SMG6: variants seen among roughly 807,000 people sequenced by gnomAD.
The protein encoded by SMG6 is SMG6 nonsense mediated mRNA decay factor.
SMG6 carries 66 observed loss-of-function variants against 142.2 expected under a neutral mutation model. That is an observed-to-expected ratio of 0.46 (90% CI 0.38 to 0.57). The LOEUF (loss-of-function observed/expected upper bound fraction) is 0.57, where lower values mean the gene tolerates loss of function less well. SMG6 is among the 20% of genes least tolerant of loss of function. The pLI is 0.00. For synonymous variants in SMG6, 779 were observed against 702.4 expected, an observed-to-expected ratio of 1.11 and a Z score of -1.72; for missense variants, 1,793 against 1,832.0, an observed-to-expected ratio of 0.98 and a Z score of 0.39.
At chr17:2,104,112 C>T (rs994892421) in intron 13 of SMG6, among the ~76,000 whole-genome samples, 4 of 152,044 alleles carry the variant, frequency 2.6e-5, no homozygotes, top group South Asian at 2.1e-4. Flanking sequence ...CCACCTCGCC[C>T]GGCTAATTTT....
At chr17:2,165,293 A>C (rs560239033) in intron 13 of SMG6, among the ~76,000 whole-genome samples, 184 of 152,348 alleles carry the variant, frequency 1.2e-3, no homozygotes, top group Non-Finnish European at 1.9e-3. Context: ...GAAAAAAAAA[A>C]AACTGAAAAC....
intron 10 of SMG6, among the ~76,000 whole-genome samples, chr17:2,212,956 A>C (rs2072908620): frequency 1.3e-5 from 2 of 152,252 alleles, no homozygotes; most frequent in Non-Finnish European, 2.9e-5. Context: ...ACAAAGAATT[A>C]ACAGTTTGTA....
chr17:2,265,094 A>C (rs2074391793), intron 8 of SMG6, among the ~76,000 whole-genome samples: 2 of 152,126 alleles, frequency 1.3e-5, no homozygotes, highest in African/African-American at 4.8e-5. Context: ...GTCAAGCTTC[A>C]AAAGTAGTGG....
At chr17:2,099,086 T>C (rs2068937523) in intron 13 of SMG6, among the ~76,000 whole-genome samples, 1 of 152,200 alleles carries the variant, frequency 6.6e-6, no homozygotes, top group South Asian at 2.1e-4. Flanking sequence ...ATCTGCAGTA[T>C]TTAACATGCA....
Position 2,186,673 on chromosome 17 carries a change from G to T in SMG6, c.3145C>A (p.Leu1049Met), listed in dbSNP as rs1386330644. ...TWNPPPTSLD[L>M]PSHVAVDVWS... ...GGCAGGTCAACTCACTGCGAGGGCA[G>T]ATCCAGGGATGTGGGAGGAGGATTC... The change falls in exon 12 of 19, where the codon CTG becomes ATG. Residue 1049 changes from leucine (L) to methionine (M), a missense_variant. This residue lies in a region of SMG6 where 1,597 missense variants were observed against 1,584.6 expected (regional missense o/e 1.01). Transcript: ENST00000263073. 1.2e-6 allele frequency: 2 copies of T among 1,614,230 alleles called. No individual in the cohort carries two copies. The highest frequency in any genetic ancestry group is 2.2e-5 in the South Asian group (2 of 91,088).
At chr17:2,258,556 CA>C (rs546129106) in intron 8 of SMG6, among the ~76,000 whole-genome samples, 2,420 of 88,242 alleles carry the variant, frequency 0.027, 40 homozygotes, top group African/African-American at 0.11. Context: ...GACTCTGTCT[CA>C]AAAAAAAAAA....
chr17:2,217,357 A>T (rs2073048558), intron 10 of SMG6, among the ~76,000 whole-genome samples: 1 of 151,994 alleles, frequency 6.6e-6, no homozygotes, highest in Non-Finnish European at 1.5e-5. Flanking sequence ...TTTGATGGAT[A>T]TCCATCAGTC....
At chr17:2,200,419 C>A (rs2072482465) in intron 10 of SMG6, among the ~76,000 whole-genome samples, 1 of 151,542 alleles carries the variant, frequency 6.6e-6, no homozygotes, top group Non-Finnish European at 1.5e-5. Flanking sequence ...GCAGGTTTGT[C>A]ACATATGTAT....
rs945854090 is a variant in SMG6 at position 2,087,227 on chromosome 17, A to T, written c.3358-1326T>A. 4 of 1,289,848 alleles carry T rather than the reference A, an allele frequency of 3.1e-6. No homozygotes were observed. The African/African-American group carries it at 6.1e-5, about 20-fold the overall frequency. The allele number at this position is 1,289,848 out of a possible 1,614,324, so 79.9% of individuals were successfully genotyped here. A position where few individuals can be genotyped will look rare whatever the true frequency, so the allele number is the denominator to read the frequency against. On this transcript the variant is annotated intron_variant, in intron 13 of 18. Transcript: ENST00000263073. ...GCTGTGCACACAGTAGGCTCACAGT[A>T]AAGACGGACAGCCCAGGGAAGCTCG...
chr17:2,234,516 G>T (rs1259154193), intron 10 of SMG6, among the ~76,000 whole-genome samples: 1 of 152,088 alleles, frequency 6.6e-6, no homozygotes. Flanking sequence ...GCCTGCCTTG[G>T]CCTCCCAAAG....
chr17:2,291,320 G>A (rs1282608500), intron 6 of SMG6, among the ~76,000 whole-genome samples: 1 of 150,510 alleles, frequency 6.6e-6, no homozygotes, highest in Non-Finnish European at 1.5e-5. Flanking sequence ...GACAGAGCGA[G>A]ACTCCGTCTC....
In SMG6 at chr17:2,061,134, T is replaced by C. The variant is rs1378565017; in HGVS notation, c.*358A>G. On this transcript the variant is annotated 3_prime_UTR_variant, in exon 19 of 19. Coordinates refer to ENST00000263073, the MANE Select transcript of SMG6 (RefSeq NM_017575.5). The stretch of plus-strand genomic sequence containing the variant: ...CCTGCCCTGTCTCCACTGGAGAAAG[T>C]GGCTGCGTCCCCAGGCGAGAAGGCC... The C allele has an allele frequency of 1.4e-5, 3 of 213,348 alleles. No individual in the cohort carries two copies. The highest frequency in any genetic ancestry group is 2.9e-5 in the Non-Finnish European group (3 of 103,232). The allele number at this position is 213,348 out of a possible 1,614,324, so 13.2% of individuals were successfully genotyped here.
At chr17:2,062,440 G>T (rs2067810189) in intron 18 of SMG6, 1 of 151,886 alleles carries the variant, frequency 6.6e-6, no homozygotes, top group African/African-American at 2.4e-5. Flanking sequence ...CACACTTTCA[G>T]AGTATATACT....
In SMG6 at chr17:2,166,171, G is replaced by A. The variant is rs1243945173; in HGVS notation, c.3357+6487C>T. Among the ~76,000 whole-genome samples the A allele has an allele frequency of 3.9e-5, 6 of 151,914 alleles. No individual in the cohort carries two copies. The East Asian group carries it at 5.8e-4, about 15-fold the overall frequency. On this transcript the variant is annotated intron_variant, in intron 13 of 18. Coordinates refer to ENST00000263073, the MANE Select transcript of SMG6 (RefSeq NM_017575.5). Reference sequence around the variant, plus strand: ...AGGATGCAGTGAGCCGGGGGGTCACGCCACTGCACTCCAGCTTGGGAGACA... The same window carrying A: ...AGGATGCAGTGAGCCGGGGGGTCACACCACTGCACTCCAGCTTGGGAGACA...
chr17:2,221,927 G>A (rs2073181004), intron 10 of SMG6, among the ~76,000 whole-genome samples: 1 of 152,178 alleles, frequency 6.6e-6, no homozygotes. Flanking sequence ...TAAAGACAGG[G>A]TTTCGCCATG....
In SMG6 at chr17:2,085,783, A is replaced by T. The variant is rs780702431; in HGVS notation, c.3476T>A (p.Val1159Asp). 11 of 1,614,100 alleles carry T rather than the reference A, an allele frequency of 6.8e-6. No homozygotes were observed. In the South Asian group the frequency reaches 1.2e-4, roughly 18 times the overall value. Residue 1159 changes from valine to aspartate, a missense_variant, in exon 14 of 19, where the codon GTC (valine) becomes GAC (aspartate). This residue lies in a region of SMG6 where 1,597 missense variants were observed against 1,584.6 expected (regional missense o/e 1.01). Transcript: ENST00000263073. The surrounding 1 kb of genome is among the most constrained non-coding windows in gnomAD (Gnocchi z 4.1). ...CATTTCCTTTCCCATGGTGTCTGGGACGGGTGCCACTGACACATACTTTCC... is the reference window on the plus strand; with the variant it reads ...CATTTCCTTTCCCATGGTGTCTGGGTCGGGTGCCACTGACACATACTTTCC... ...KGGKYVSVAP[V>D]PDTMGKEMGS...
chr17:2,289,927 A>G (rs1406932872), intron 6 of SMG6, among the ~76,000 whole-genome samples: 2 of 120,408 alleles, frequency 1.7e-5, no homozygotes, highest in Admixed American at 1.8e-4. Flanking sequence ...AAAAAAAATA[A>G]TTATTATTTT....
chr17:2,147,768 G>C (rs966611898), intron 13 of SMG6, among the ~76,000 whole-genome samples: 1 of 152,156 alleles, frequency 6.6e-6, no homozygotes, highest in Admixed American at 6.5e-5. Context: ...CCAATACACC[G>C]ACTAGGATGG....
In SMG6 at chr17:2,282,815, G is replaced by C; in HGVS notation, c.2493C>G (p.Ser831Arg). The C allele has an allele frequency of 6.2e-7, 1 of 1,614,092 alleles. No individual in the cohort carries two copies. Among genetic ancestry groups the C allele is most frequent in the Non-Finnish European group, 8.5e-7 (1 of 1,180,004 alleles). The change falls in exon 8 of 19, where the codon AGC becomes AGG. Residue 831 changes from serine to arginine, a missense_variant. Around this residue, in one of 3 missense-constraint regions of SMG6, gnomAD observed 1,597 missense variants for 1,584.6 expected, o/e 1.01. Transcript: ENST00000263073. ...EKKQHEEFDL[S>R]PDQWRKGKKS... Reference sequence around the variant, plus strand: ...TCTTTCCTTTCCGCCACTGGTCAGGGCTCAGGTCAAATTCCTCATGTTGCT... The same window carrying C: ...TCTTTCCTTTCCGCCACTGGTCAGGCCTCAGGTCAAATTCCTCATGTTGCT...
Sources: allele counts gnomAD v4.1 joint callset (sites outside exome capture counted in the v4.1 genomes callset), GRCh38; gene constraint gnomAD v4.1.1; regional missense constraint gnomAD v4.1.1; non-coding constraint Gnocchi (gnomAD v3.1); transcripts MANE v1.5; gene names NCBI Gene and HGNC (gene_info 2026-07-23, HGNC 2026-07-21).